IMMP2L: variants seen among roughly 807,000 people sequenced by gnomAD.
IMMP2L encodes inner mitochondrial membrane peptidase subunit 2.
In IMMP2L, 18 loss-of-function variants were observed where a neutral mutation model predicts 19.3. The ratio of observed to expected loss-of-function variants is 0.93; its 90% CI spans 0.64 to 1.38. The LOEUF is 1.38. Ranked by LOEUF, IMMP2L falls within the 40% of genes most tolerant of loss-of-function variation. IMMP2L has a pLI of 0.00. For synonymous variants in IMMP2L, 76 were observed against 73.0 expected, an observed-to-expected ratio of 1.04 and a Z score of -0.21; for missense variants, 233 against 218.2, an observed-to-expected ratio of 1.07 and a Z score of -0.43.
chr7:111,444,070 T>C (rs1379454688), intron 3 of IMMP2L, among the ~76,000 whole-genome samples: 3 of 152,170 alleles, frequency 2.0e-5, no homozygotes, highest in Non-Finnish European at 4.4e-5. Flanking sequence ...TTAAATGTTG[T>C]GTTTCTATTT....
intron 5 of IMMP2L, among the ~76,000 whole-genome samples, chr7:110,823,911 G>T (rs894227394): frequency 6.6e-6 from 1 of 152,034 alleles, no homozygotes; most frequent in African/African-American, 2.4e-5. Flanking sequence ...GAGATCAGTT[G>T]AATATACTCA....
At chr7:111,364,990 CATT>C (rs1421945886) in intron 3 of IMMP2L, among the ~76,000 whole-genome samples, 3 of 151,116 alleles carry the variant, frequency 2.0e-5, no homozygotes, top group African/African-American at 7.3e-5. Context: ...AATCTATAAA[CATT>C]ATATACATAA....
intron 3 of IMMP2L, among the ~76,000 whole-genome samples, chr7:111,103,763 C>T (rs1404394115): frequency 4.0e-5 from 6 of 151,480 alleles, no homozygotes; most frequent in Admixed American, 1.3e-4. Flanking sequence ...GAACTTTTAA[C>T]GCATTATTTT....
intron 5 of IMMP2L, among the ~76,000 whole-genome samples, chr7:110,755,911 A>C (rs1798011616): frequency 6.6e-6 from 1 of 152,122 alleles, no homozygotes; most frequent in Non-Finnish European, 1.5e-5. Context: ...GAAGGAGAGA[A>C]TATCTGGAAG....
chr7:111,470,098 A>T (rs184282496), intron 3 of IMMP2L, among the ~76,000 whole-genome samples: 28 of 152,252 alleles, frequency 1.8e-4, no homozygotes, highest in East Asian at 7.7e-4. Context: ...AGAAGACATT[A>T]ATGCAGTCAA....
At chr7:110,884,216 T>A (rs1018246325) in intron 5 of IMMP2L, among the ~76,000 whole-genome samples, 2 of 151,986 alleles carry the variant, frequency 1.3e-5, no homozygotes, top group African/African-American at 4.8e-5. Context: ...GTGAAGAACA[T>A]CATGGCTACA....
At chr7:111,179,378 G>C (rs2129610695) in intron 3 of IMMP2L, among the ~76,000 whole-genome samples, 1 of 151,942 alleles carries the variant, frequency 6.6e-6, no homozygotes, top group South Asian at 2.1e-4. Context: ...AGATTTTTTT[G>C]CAATTTTTTT....
chr7:110,830,363 C>T (rs531725207), intron 5 of IMMP2L, among the ~76,000 whole-genome samples: 5 of 152,052 alleles, frequency 3.3e-5, no homozygotes, highest in East Asian at 1.9e-4. Context: ...TTAGGACAAA[C>T]GTGTTGGACT....
At chr7:110,782,702 T>A (rs1799819642) in intron 5 of IMMP2L, among the ~76,000 whole-genome samples, 1 of 151,966 alleles carries the variant, frequency 6.6e-6, no homozygotes, top group Non-Finnish European at 1.5e-5. Flanking sequence ...CTCAGCTACA[T>A]AAATCTGTAT....
chr7:111,284,061 C>T (rs1177596898), intron 3 of IMMP2L, among the ~76,000 whole-genome samples: 1 of 149,380 alleles, frequency 6.7e-6, no homozygotes, highest in East Asian at 2.0e-4. Flanking sequence ...TTACCATTTT[C>T]TCCTCAGTAT....
chr7:110,853,080 A>G (rs974048328), intron 5 of IMMP2L, among the ~76,000 whole-genome samples: 17 of 152,006 alleles, frequency 1.1e-4, no homozygotes, highest in African/African-American at 3.4e-4. Context: ...CAGTTCCTAA[A>G]CAAAATGTAT....
intron 5 of IMMP2L, among the ~76,000 whole-genome samples, chr7:110,768,242 C>T (rs1016060064): frequency 4.0e-5 from 6 of 150,614 alleles, no homozygotes; most frequent in Non-Finnish European, 7.4e-5. Context: ...AAAGAAGACC[C>T]TGCCTTTAAA....
intron 2 of IMMP2L, among the ~76,000 whole-genome samples, chr7:111,506,249 A>G (rs1386102967): frequency 6.6e-6 from 1 of 151,618 alleles, no homozygotes; most frequent in South Asian, 2.1e-4. Flanking sequence ...ATTTTTAAAA[A>G]GAAATGCTCC....
intron 4 of IMMP2L, among the ~76,000 whole-genome samples, chr7:110,927,338 AATGGCTCCCCAAAGCTGTCC>A (rs1175743298): frequency 6.6e-6 from 1 of 152,146 alleles, no homozygotes; most frequent in Non-Finnish European, 1.5e-5. Context: ...AAGGCATAAT[AATGGCTCCCCAAAGCTGTCC>A]ATGACCTGAT....
chr7:111,171,726 C>T (rs1437416494), intron 3 of IMMP2L, among the ~76,000 whole-genome samples: 1 of 151,370 alleles, frequency 6.6e-6, no homozygotes, highest in African/African-American at 2.4e-5. Context: ...GAGGGTGCTC[C>T]TTAGACAAGA....
chr7:111,235,152 G>C (rs1814146259), intron 3 of IMMP2L, among the ~76,000 whole-genome samples: 3 of 151,564 alleles, frequency 2.0e-5, no homozygotes, highest in African/African-American at 7.3e-5. Context: ...CTTTATTTTT[G>C]AAAGATATTT....
intron 5 of IMMP2L, among the ~76,000 whole-genome samples, chr7:110,705,837 T>G (rs1266710769): frequency 6.6e-6 from 1 of 152,132 alleles, no homozygotes; most frequent in Admixed American, 6.5e-5. Flanking sequence ...GTTCCTGTAT[T>G]AATTTGCTTA....
intron 5 of IMMP2L, among the ~76,000 whole-genome samples, chr7:110,761,784 G>A (rs902943254): frequency 9.2e-5 from 14 of 152,192 alleles, no homozygotes; most frequent in Admixed American, 3.9e-4. Context: ...TTAATTGGCA[G>A]CTTGAGCCCT....
intron 3 of IMMP2L, among the ~76,000 whole-genome samples, chr7:111,135,305 A>C (rs1800655626): frequency 6.6e-6 from 1 of 152,170 alleles, no homozygotes; most frequent in Admixed American, 6.5e-5. Context: ...CATACATATT[A>C]TGCCTGGGAT....
Sources: allele counts gnomAD v4.1 joint callset (sites outside exome capture counted in the v4.1 genomes callset), GRCh38; gene constraint gnomAD v4.1.1; transcripts MANE v1.5; gene names NCBI Gene and HGNC (gene_info 2026-07-23, HGNC 2026-07-21).